KCNQ1: variants seen among roughly 807,000 people sequenced by gnomAD.
The protein encoded by KCNQ1 is potassium voltage-gated channel subfamily KQT member 1.
Under a neutral mutation model 72.4 loss-of-function variants are expected in KCNQ1, and 49 were observed. That is an observed-to-expected ratio of 0.68 (90% CI 0.54 to 0.86). KCNQ1 has a LOEUF of 0.86. Among genes scored for constraint, KCNQ1 ranks in the 40% least tolerant of loss-of-function variants. The pLI is 0.00. For missense variants in KCNQ1, 790 were observed against 945.1 expected (o/e 0.84, Z 2.15); for synonymous variants, 450 against 412.6 (o/e 1.09, Z -1.10).
At chr11:2,744,358 G>A (rs760320953) in intron 11 of KCNQ1, among the ~76,000 whole-genome samples, 1 of 152,240 alleles carries the variant, frequency 6.6e-6, no homozygotes, top group Non-Finnish European at 1.5e-5. Flanking sequence ...TTGTGTAGCA[G>A]CTGAGCTCCT....
intron 11 of KCNQ1, among the ~76,000 whole-genome samples, chr11:2,740,450 G>A (rs553180931): frequency 8.5e-5 from 13 of 152,340 alleles, no homozygotes; most frequent in South Asian, 8.3e-4. Context: ...CAGATGGGGC[G>A]AGGGACCCCG....
rs1446972982 is a variant in KCNQ1, at chr11:2,814,586, T to A, written c.1795-33181T>A. 4.1e-5 allele frequency among the ~76,000 whole-genome samples: 6 copies of A among 146,454 alleles called. No individual in the cohort carries two copies. The East Asian group carries it at 1.2e-3, about 30-fold the overall frequency. ...ATAGGTGGATGGGTAGATTGAGAAA[T>A]GATGGATAGGTGGATGGGTAGATGG... On this transcript the variant is annotated intron_variant, in intron 15 of 15. Transcript: ENST00000155840.
chr11:2,499,749 A>T (rs1364923936), intron 1 of KCNQ1, among the ~76,000 whole-genome samples: 2 of 152,236 alleles, frequency 1.3e-5, no homozygotes, highest in African/African-American at 4.8e-5. Flanking sequence ...TAAAGGGATC[A>T]ATTCAGCAAG....
chr11:2,649,484 C>T (rs965938247), intron 10 of KCNQ1: 3 of 398,404 alleles, frequency 7.5e-6, no homozygotes, highest in Non-Finnish European at 1.3e-5. Flanking sequence ...GTAATGAATT[C>T]CCTCAGTTTT....
intron 15 of KCNQ1, among the ~76,000 whole-genome samples, chr11:2,842,093 C>T (rs981424732): frequency 2.0e-5 from 3 of 152,202 alleles, no homozygotes; most frequent in South Asian, 2.1e-4. Flanking sequence ...AGACAACAGA[C>T]ACCAGGGACA....
intron 11 of KCNQ1, among the ~76,000 whole-genome samples, chr11:2,706,043 A>T (rs144561103): frequency 7.9e-5 from 12 of 152,286 alleles, no homozygotes; most frequent in Admixed American, 5.2e-4. Context: ...TTGGAGGAAA[A>T]AGACAAGAAT....
At chr11:2,733,774 C>CCCCACACACACACA (rs1491471414) in intron 11 of KCNQ1, among the ~76,000 whole-genome samples, 1 of 57,492 alleles carries the variant, frequency 1.7e-5, no homozygotes, top group African/African-American at 6.6e-5. Flanking sequence ...TTCAGGCCTT[C>CCCCACACACACACA]CACACACACA....
chr11:2,523,447 G>T (rs963595877), intron 1 of KCNQ1, among the ~76,000 whole-genome samples: 2 of 152,136 alleles, frequency 1.3e-5, no homozygotes, highest in East Asian at 3.9e-4. Context: ...CAATCCTCCC[G>T]CCTCGGCCTC....
intron 11 of KCNQ1, among the ~76,000 whole-genome samples, chr11:2,731,297 C>T (rs1346516304): frequency 2.6e-5 from 4 of 152,238 alleles, no homozygotes; most frequent in Non-Finnish European, 4.4e-5. Context: ...CCCATGCACC[C>T]CACTGTTGCA....
At chr11:2,842,508 G>A (rs1386381294) in intron 15 of KCNQ1, among the ~76,000 whole-genome samples, 1 of 152,196 alleles carries the variant, frequency 6.6e-6, no homozygotes, top group Non-Finnish European at 1.5e-5. Context: ...GGGGCCTGGG[G>A]GTGCAGGCAG....
intron 1 of KCNQ1, among the ~76,000 whole-genome samples, chr11:2,448,692 C>T (rs1367027771): frequency 1.3e-5 from 2 of 152,224 alleles, no homozygotes; most frequent in African/African-American, 2.4e-5. Flanking sequence ...ATCTGTCCAC[C>T]CACTCCTCAG....
intron 11 of KCNQ1, among the ~76,000 whole-genome samples, chr11:2,754,383 A>G (rs1185157402): frequency 6.6e-6 from 1 of 152,264 alleles, no homozygotes; most frequent in African/African-American, 2.4e-5. Context: ...GGAACTTAAC[A>G]TGATGAGTCT....
At position 2,515,734 on chromosome 11, in the gene KCNQ1, C is replaced by T. The variant is rs1847277942; in HGVS notation, c.387-12194C>T. Among the ~76,000 whole-genome samples, 1 of 152,278 alleles carries T rather than the reference C, an allele frequency of 6.6e-6. No homozygotes were observed. Among genetic ancestry groups the T allele is most frequent in the East Asian group, 1.9e-4 (1 of 5,172 alleles). On this transcript the variant is annotated intron_variant, in intron 1 of 15. Transcript: ENST00000155840. This position sits in a 1 kb window ranked among gnomAD's most constrained non-coding sequence, Gnocchi z 4.7. ...TCCCGGCGCCTTCTAAATATACTCT[C>T]TGTGGGTGTCTTATCACAGCCCAGG...
chr11:2,596,745 T>G (rs1848738429), intron 10 of KCNQ1, among the ~76,000 whole-genome samples: 1 of 152,086 alleles, frequency 6.6e-6, no homozygotes, highest in East Asian at 1.9e-4. Context: ...AAAAAACTTT[T>G]GGGGCAGTGG....
chr11:2,761,394 G>T (rs532537611), intron 11 of KCNQ1, among the ~76,000 whole-genome samples: 2 of 152,288 alleles, frequency 1.3e-5, no homozygotes, highest in African/African-American at 4.8e-5. Context: ...CCGCTTGTGT[G>T]TCTGCCCACT....
chr11:2,691,622 C>A lies in KCNQ1; in HGVS notation c.1514+29541C>A. 2.5e-6 allele frequency: 1 copy of A among 398,590 alleles called. No individual in the cohort carries two copies. Among genetic ancestry groups the A allele is most frequent in the South Asian group, 1.3e-4 (1 of 7,856 alleles). The allele number at this position is 398,590 out of a possible 1,614,324, so 24.7% of individuals were successfully genotyped here. On this transcript the variant is annotated intron_variant, in intron 11 of 15. Coordinates refer to ENST00000155840, the MANE Select transcript of KCNQ1 (RefSeq NM_000218.3). This position sits in a 1 kb window ranked among gnomAD's most constrained non-coding sequence, Gnocchi z 6.4. ...CAACCTAGCTTGTTCCCTGCACGTA[C>A]TGTGGGGAGGTCCTCTTTACCGCCA...
chr11:2,845,629 C>T (rs531186239), intron 15 of KCNQ1, among the ~76,000 whole-genome samples: 2 of 152,322 alleles, frequency 1.3e-5, no homozygotes, highest in East Asian at 3.9e-4. Context: ...GGATGTACAC[C>T]TGCCCTTGTG....
rs1001940704 is a variant in KCNQ1 at position 2,764,900 on chromosome 11, T to C, written c.1515-3944T>C. ...TGTCCCCTCCCCCATCTGATCAGTCTTCCCAAAAGTGTGTCTGTTTTATTA... is the reference window on the plus strand; with the variant it reads ...TGTCCCCTCCCCCATCTGATCAGTCCTCCCAAAAGTGTGTCTGTTTTATTA... On this transcript the variant is annotated intron_variant, in intron 11 of 15. Transcript: ENST00000155840. This position sits in a 1 kb window ranked among gnomAD's most constrained non-coding sequence, Gnocchi z 4.8. 2.0e-5 allele frequency among the ~76,000 whole-genome samples: 3 copies of C among 152,340 alleles called. No homozygotes were observed. The highest frequency in any genetic ancestry group is 4.4e-5 in the Non-Finnish European group (3 of 68,026).
rs1045636378 is a variant in KCNQ1 at position 2,598,515 on chromosome 11, T to C, written c.1393+9661T>C. On this transcript the variant is annotated intron_variant, in intron 10 of 15. Coordinates refer to ENST00000155840, the MANE Select transcript of KCNQ1 (RefSeq NM_000218.3). This position sits in a 1 kb window ranked among gnomAD's most constrained non-coding sequence, Gnocchi z 6.2. ...TTCTGTATTTGTATAACACAAAGTT[T>C]TATTTGTATACATGGACAGACAAAA... Among the ~76,000 whole-genome samples the C allele has an allele frequency of 6.6e-6, 1 of 152,114 alleles. No individual in the cohort carries two copies. Among genetic ancestry groups the C allele is most frequent in the African/African-American group, 2.4e-5 (1 of 41,406 alleles).
Sources: allele counts gnomAD v4.1 joint callset (sites outside exome capture counted in the v4.1 genomes callset), GRCh38; gene constraint gnomAD v4.1.1; non-coding constraint Gnocchi (gnomAD v3.1); transcripts MANE v1.5; gene names NCBI Gene and HGNC (gene_info 2026-07-23, HGNC 2026-07-21).